Variants in BNC2 observed in about 807,000 individuals in gnomAD.
BNC2 encodes the protein zinc finger protein basonuclin-2.
In BNC2, 20 loss-of-function variants were observed where a neutral mutation model predicts 76.3. The observed-to-expected ratio is 0.26, with a 90% CI of 0.18 to 0.38. The LOEUF (loss-of-function observed/expected upper bound fraction) is 0.38, where lower values mean the gene tolerates loss of function less well. Ranked by LOEUF, BNC2 falls within the 10% of genes least tolerant of loss-of-function variation. The pLI, the probability that BNC2 is intolerant of heterozygous loss-of-function variation, is 1.00. For missense variants in BNC2, 1,382 were observed against 1,399.8 expected (o/e 0.99, Z 0.20); for synonymous variants, 582 against 514.8 (o/e 1.13, Z -1.77).
intron 3 of BNC2, among the ~76,000 whole-genome samples, chr9:16,691,159 A>G (rs1290638031): frequency 6.6e-6 from 1 of 152,220 alleles, no homozygotes; most frequent in Non-Finnish European, 1.5e-5. Context: ...CTAAAATTAC[A>G]TAGAATCTTT....
intron 5 of BNC2, among the ~76,000 whole-genome samples, chr9:16,457,124 G>C (rs554134717): frequency 6.6e-6 from 1 of 152,286 alleles, no homozygotes; most frequent in South Asian, 2.1e-4. Context: ...TATGCAAGAA[G>C]TGCCTACCTG....
chr9:16,581,664 C>A (rs1187599947), intron 4 of BNC2, among the ~76,000 whole-genome samples: 1 of 152,152 alleles, frequency 6.6e-6, no homozygotes, highest in Non-Finnish European at 1.5e-5. Context: ...AGCCACCCAG[C>A]CTGTGGCATT....
At chr9:16,559,732 T>C (rs889583902) in intron 4 of BNC2, among the ~76,000 whole-genome samples, 2 of 152,220 alleles carry the variant, frequency 1.3e-5, no homozygotes, top group African/African-American at 2.4e-5. Flanking sequence ...AGTCTCTCCA[T>C]AGCAGCTGAC....
At chr9:16,734,128 T>C (rs1824591864) in intron 2 of BNC2, among the ~76,000 whole-genome samples, 1 of 152,176 alleles carries the variant, frequency 6.6e-6, no homozygotes, top group South Asian at 2.1e-4. Flanking sequence ...CTTTTGGGTT[T>C]CAATTTATAG....
At chr9:16,766,882 C>CA (rs1276637294) in intron 1 of BNC2, among the ~76,000 whole-genome samples, 2 of 151,242 alleles carry the variant, frequency 1.3e-5, no homozygotes, top group Admixed American at 1.3e-4. Context: ...CCTCCCCACA[C>CA]AAAAAAACAA....
Position 16,774,795 on chromosome 9 carries a change from G to T in BNC2, c.4-36310C>A, listed in dbSNP as rs1825919004. The stretch of plus-strand genomic sequence containing the variant: ...CAAAATATTTAAGGAAACCTGTTTT[G>T]GGCTGAACAACCCAGGACCCTGAGT... On this transcript the variant is annotated intron_variant, in intron 1 of 6. Coordinates refer to ENST00000380672, the MANE Select transcript of BNC2 (RefSeq NM_017637.6). Among the ~76,000 whole-genome samples the T allele has an allele frequency of 3.3e-5, 5 of 152,082 alleles. No individual in the cohort carries two copies. In the South Asian group the frequency reaches 1.0e-3, roughly 32 times the overall value.
chr9:16,588,042 T>C (rs1395725414), intron 3 of BNC2, among the ~76,000 whole-genome samples: 1 of 152,188 alleles, frequency 6.6e-6, no homozygotes, highest in Non-Finnish European at 1.5e-5. Flanking sequence ...TTTCAATGTA[T>C]AGTGGCAAAT....
intron 1 of BNC2, among the ~76,000 whole-genome samples, chr9:16,766,038 T>C (rs375899725): frequency 1.7e-4 from 26 of 152,216 alleles, no homozygotes; most frequent in African/African-American, 3.1e-4. Flanking sequence ...CCGCCCGCCT[T>C]GGCCTCCCAA....
chr9:16,716,417 T>C (rs950678469), intron 3 of BNC2, among the ~76,000 whole-genome samples: 2 of 152,202 alleles, frequency 1.3e-5, no homozygotes, highest in Non-Finnish European at 2.9e-5. Context: ...TAAAAGCAGA[T>C]GTCTATGACA....
At chr9:16,664,912 T>C (rs1822224449) in intron 3 of BNC2, among the ~76,000 whole-genome samples, 1 of 143,584 alleles carries the variant, frequency 7.0e-6, no homozygotes, top group Non-Finnish European at 1.5e-5. Flanking sequence ...TGCCTATTCT[T>C]AGATTCAGAA....
intron 4 of BNC2, among the ~76,000 whole-genome samples, chr9:16,569,605 C>T (rs1024166191): frequency 1.3e-4 from 20 of 152,194 alleles, no homozygotes; most frequent in Non-Finnish European, 1.0e-4. Context: ...CTCGGTTGTT[C>T]AGAAGCTCTC....
intron 4 of BNC2, among the ~76,000 whole-genome samples, chr9:16,553,378 CA>C (rs946209183): frequency 1.3e-5 from 2 of 152,144 alleles, no homozygotes; most frequent in African/African-American, 4.8e-5. Flanking sequence ...GGGGGTTATC[CA>C]AAAACTTAGT....
intron 3 of BNC2, among the ~76,000 whole-genome samples, chr9:16,583,289 T>C (rs1220124832): frequency 2.0e-5 from 3 of 152,160 alleles, no homozygotes; most frequent in African/African-American, 4.8e-5. Flanking sequence ...ACTAATACAA[T>C]GTTTTAGGTC....
intron 3 of BNC2, among the ~76,000 whole-genome samples, chr9:16,665,434 AAAAG>A (rs56038950): frequency 0.12 from 13,491 of 115,958 alleles, 892 homozygotes; most frequent in Middle Eastern, 0.12. Flanking sequence ...GAAAGGAAAG[AAAAG>A]AAAGAAAGAA....
intron 3 of BNC2, among the ~76,000 whole-genome samples, chr9:16,608,946 G>A (rs113051846): frequency 2.2e-4 from 33 of 152,214 alleles, no homozygotes; most frequent in African/African-American, 7.9e-4. Context: ...ATGTACTTAA[G>A]GTTCCTAAAC....
chr9:16,767,466 G>C (rs1000706367), intron 1 of BNC2, among the ~76,000 whole-genome samples: 1 of 152,188 alleles, frequency 6.6e-6, no homozygotes, highest in Non-Finnish European at 1.5e-5. Flanking sequence ...AATTAGGCCA[G>C]GGAGGATTTT....
rs546435808 is a variant in BNC2, at chr9:16,608,151, C to T, written c.331-25066G>A. On this transcript the variant is annotated intron_variant, in intron 3 of 6. Transcript: ENST00000380672. ...ACCCTTATCCTCTACTTTCCATGAG[C>T]AGAAAAAGATTCCTTAGGGGTACTT... Among the ~76,000 whole-genome samples the T allele has an allele frequency of 8.1e-4, 123 of 152,236 alleles. 1 individual carries two copies. In the Middle Eastern group the frequency reaches 0.014, roughly 17 times the overall value.
At chr9:16,510,507 A>G (rs1389656836) in intron 5 of BNC2, among the ~76,000 whole-genome samples, 3 of 152,218 alleles carry the variant, frequency 2.0e-5, no homozygotes, top group African/African-American at 7.2e-5. Context: ...TGTATAATCT[A>G]CAAAGTCAGG....
intron 1 of BNC2, among the ~76,000 whole-genome samples, chr9:16,751,662 G>GTATATA (rs1563926966): frequency 1.2e-5 from 1 of 83,180 alleles, no homozygotes; most frequent in Admixed American, 1.1e-4. Context: ...ATATATATAT[G>GTATATA]TATGTATGTG....
Sources: gnomAD v4.1 joint callset for allele counts (sites outside exome capture counted in the v4.1 genomes callset) on GRCh38, gnomAD v4.1.1 for gene constraint, MANE v1.5 for transcripts, NCBI Gene and HGNC (gene_info 2026-07-23, HGNC 2026-07-21) for gene names.